Variants in SYNPO2 observed in about 807,000 individuals in gnomAD.
SYNPO2 encodes the protein synaptopodin-2.
SYNPO2 carries 56 observed loss-of-function variants against 85.0 expected under a neutral mutation model. The ratio of observed to expected loss-of-function variants is 0.66; its 90% confidence interval spans 0.53 to 0.82. SYNPO2 has a LOEUF of 0.82. SYNPO2 is among the 40% of genes least tolerant of loss of function. The pLI, the probability that SYNPO2 is intolerant of heterozygous loss-of-function variation, is 0.00. For missense variants in SYNPO2, 1,575 were observed against 1,534.2 expected, an observed-to-expected ratio of 1.03 and a Z score of -0.44; for synonymous variants, 602 against 591.1, an observed-to-expected ratio of 1.02 and a Z score of -0.27.
At chr4:118,999,071 G>C (rs1464087856) in intron 1 of SYNPO2, among the ~76,000 whole-genome samples, 2 of 152,066 alleles carry the variant, frequency 1.3e-5, no homozygotes, top group Admixed American at 1.3e-4. Flanking sequence ...TACCTCTCAG[G>C]GTTATTGTGA....
At position 119,020,212 on chromosome 4, in the gene SYNPO2, C is replaced by T. The variant is rs376673056; in HGVS notation, c.106-3218C>T. ...AAACTTAAGTAAGAAGAAAAGTTCT[C>T]ATCATATATAGCAAGGTTCTTGAGG... On this transcript the variant is annotated intron_variant, in intron 1 of 4. Coordinates refer to ENST00000307142, the MANE Select transcript of SYNPO2 (RefSeq NM_133477.3). 1.8e-4 allele frequency among the ~76,000 whole-genome samples: 27 copies of T among 152,186 alleles called. No homozygotes were observed. The East Asian group carries it at 1.9e-3, about 11-fold the overall frequency.
At chr4:118,871,694 G>A (rs893971616) in intron 1 of SYNPO2, among the ~76,000 whole-genome samples, 8 of 151,426 alleles carry the variant, frequency 5.3e-5, no homozygotes, top group Admixed American at 3.3e-4. Context: ...TCAACCTCCC[G>A]AGTTGCTGGG....
intron 1 of SYNPO2, among the ~76,000 whole-genome samples, chr4:118,870,021 G>T (rs1731774985): frequency 6.6e-6 from 1 of 152,184 alleles, no homozygotes. Flanking sequence ...TGTGAGCATT[G>T]ACTTTCCTGA....
chr4:118,965,138 C>T (rs1735263419), intron 1 of SYNPO2, among the ~76,000 whole-genome samples: 1 of 152,198 alleles, frequency 6.6e-6, no homozygotes, highest in African/African-American at 2.4e-5. Context: ...CCCTCCCCTA[C>T]ACCACACACA....
intron 1 of SYNPO2, among the ~76,000 whole-genome samples, chr4:118,994,729 T>C (rs945038447): frequency 4.6e-5 from 7 of 152,236 alleles, no homozygotes; most frequent in Non-Finnish European, 1.0e-4. Flanking sequence ...AGTGGCATGT[T>C]ATTCCCATAA....
intron 1 of SYNPO2, among the ~76,000 whole-genome samples, chr4:118,930,486 CT>C (rs1352680148): frequency 1.3e-5 from 2 of 152,116 alleles, no homozygotes; most frequent in African/African-American, 2.4e-5. Flanking sequence ...AACACAAGCT[CT>C]TTGAAGTCAT....
At chr4:118,883,810 A>G (rs970378591) in intron 1 of SYNPO2, among the ~76,000 whole-genome samples, 3 of 150,876 alleles carry the variant, frequency 2.0e-5, no homozygotes, top group Non-Finnish European at 4.4e-5. Flanking sequence ...TCATTTTTCT[A>G]CTTATTTCTC....
intron 1 of SYNPO2, among the ~76,000 whole-genome samples, chr4:118,996,856 CAAAA>C (rs34947994): frequency 1.4e-5 from 1 of 71,892 alleles, no homozygotes; most frequent in East Asian, 4.3e-4. Flanking sequence ...GACTCTGTCT[CAAAA>C]AAAAAAAAAA....
rs1578624814 is a variant in SYNPO2, at chr4:118,994,799, A to G, written c.106-28631A>G. On this transcript the variant is annotated intron_variant, in intron 1 of 4. Coordinates refer to ENST00000307142, the MANE Select transcript of SYNPO2 (RefSeq NM_133477.3). ...GTTATAGAAAAAGATCTTTGTTTCTAGTTTTTGGGTATTTAATTTTTAAAA... is the reference window on the plus strand; with the variant it reads ...GTTATAGAAAAAGATCTTTGTTTCTGGTTTTTGGGTATTTAATTTTTAAAA... 3.9e-5 allele frequency among the ~76,000 whole-genome samples: 6 copies of G among 152,314 alleles called. No individual in the cohort carries two copies. In the East Asian group the frequency reaches 1.2e-3, roughly 29 times the overall value.
intron 1 of SYNPO2, among the ~76,000 whole-genome samples, chr4:118,966,649 C>CAT (rs1445978133): frequency 1.3e-5 from 2 of 151,988 alleles, no homozygotes; most frequent in East Asian, 3.9e-4. Context: ...ATATATATAA[C>CAT]ATATATATAC....
chr4:118,894,837 TA>T (rs375833064), intron 1 of SYNPO2, among the ~76,000 whole-genome samples: 11,626 of 142,666 alleles, frequency 0.081, 587 homozygotes, highest in Non-Finnish European at 0.11. Flanking sequence ...ATTCACATTT[TA>T]AAAAAAAAAA....
chr4:118,853,452 A>G (rs17325017), intron 1 of SYNPO2, among the ~76,000 whole-genome samples: 6,262 of 152,188 alleles, frequency 0.041, 200 homozygotes, highest in Non-Finnish European at 0.064. Flanking sequence ...TGATGGACCT[A>G]AACTTGGCAA....
intron 1 of SYNPO2, among the ~76,000 whole-genome samples, chr4:118,987,582 T>G (rs1309076944): frequency 1.3e-5 from 2 of 151,656 alleles, no homozygotes; most frequent in African/African-American, 4.9e-5. Context: ...GAGGATCACT[T>G]GAGCCCTGGA....
At chr4:118,948,269 G>A (rs1734572410) in intron 1 of SYNPO2, among the ~76,000 whole-genome samples, 2 of 152,104 alleles carry the variant, frequency 1.3e-5, no homozygotes, top group South Asian at 4.2e-4. Context: ...CAAGTACAGG[G>A]TAAAACTCAG....
At chr4:118,954,895 A>G (rs1734818513) in intron 1 of SYNPO2, among the ~76,000 whole-genome samples, 2 of 152,122 alleles carry the variant, frequency 1.3e-5, no homozygotes, top group Non-Finnish European at 2.9e-5. Flanking sequence ...CCCCATTTTT[A>G]CAAATTAGGA....
intron 1 of SYNPO2, among the ~76,000 whole-genome samples, chr4:118,942,143 A>T (rs1017113615): frequency 6.6e-6 from 1 of 152,238 alleles, no homozygotes; most frequent in East Asian, 1.9e-4. Context: ...TGGGAAGGAC[A>T]GTCTCTCCCC....
At chr4:118,982,011 C>A (rs1736028240) in intron 1 of SYNPO2, among the ~76,000 whole-genome samples, 1 of 152,148 alleles carries the variant, frequency 6.6e-6, no homozygotes, top group African/African-American at 2.4e-5. Flanking sequence ...CCAACTAATA[C>A]ATAACCTAAG....
intron 1 of SYNPO2, among the ~76,000 whole-genome samples, chr4:118,854,312 C>T (rs1415471093): frequency 3.3e-4 from 50 of 152,144 alleles, no homozygotes; most frequent in Admixed American, 3.1e-3. Flanking sequence ...GATTTCAGAG[C>T]CCAAGTTTTC....
At chr4:118,924,761 A>G (rs1282785343) in intron 1 of SYNPO2, among the ~76,000 whole-genome samples, 1 of 152,174 alleles carries the variant, frequency 6.6e-6, no homozygotes, top group Non-Finnish European at 1.5e-5. Context: ...GAAATTGGAC[A>G]ATCTATCCTG....
Sources: gnomAD v4.1 joint callset for allele counts (sites outside exome capture counted in the v4.1 genomes callset) on GRCh38, gnomAD v4.1.1 for gene constraint, MANE v1.5 for transcripts, NCBI Gene and HGNC (gene_info 2026-07-23, HGNC 2026-07-21) for gene names.